TIMP3: variants seen among roughly 807,000 people sequenced by gnomAD.
The protein encoded by TIMP3 is TIMP metallopeptidase inhibitor 3, also known as metalloproteinase inhibitor 3.
A neutral mutation model predicts 30.0 loss-of-function variants in TIMP3; 11 were observed. That is an observed-to-expected ratio of 0.37 (90% confidence interval 0.23 to 0.61). TIMP3 has a LOEUF of 0.61. Ranked by LOEUF, TIMP3 falls within the 20% of genes least tolerant of loss-of-function variation. TIMP3 has a pLI of 0.70. For missense variants in TIMP3, 181 were observed against 276.8 expected (o/e 0.65, Z 2.45); for synonymous variants, 112 against 111.3 (o/e 1.01, Z -0.04).
intron 2 of TIMP3, among the ~76,000 whole-genome samples, chr22:32,849,810 T>C (rs1296789151): frequency 6.6e-6 from 1 of 152,140 alleles, no homozygotes; most frequent in African/African-American, 2.4e-5. Flanking sequence ...GCAGATAGCC[T>C]TGTTAGCTCG....
chr22:32,802,657 G>A (rs2046621684), intron 1 of TIMP3, among the ~76,000 whole-genome samples: 1 of 152,126 alleles, frequency 6.6e-6, no homozygotes, highest in African/African-American at 2.4e-5. Context: ...CCAGGCAAGC[G>A]CTAACCGAGC....
intron 3 of TIMP3, 65 bp from the exon 4 acceptor site, chr22:32,857,952 G>C: frequency 6.2e-7 from 1 of 1,612,964 alleles, no homozygotes. Context: ...TAGTAGGTGT[G>C]AATTCTCTCT....
chr22:32,809,199 C>G (rs189875032), intron 1 of TIMP3, among the ~76,000 whole-genome samples: 7 of 152,362 alleles, frequency 4.6e-5, no homozygotes, highest in Admixed American at 4.6e-4. Flanking sequence ...TGCCCAAGCT[C>G]ACACCACTTG....
At chr22:32,818,439 C>T (rs1446929617) in intron 1 of TIMP3, among the ~76,000 whole-genome samples, 1 of 152,184 alleles carries the variant, frequency 6.6e-6, no homozygotes, top group African/African-American at 2.4e-5. Flanking sequence ...TGGCTCTGCT[C>T]CTTCTGCTGT....
chr22:32,858,262 G>T, intron 4 of TIMP3, 124 bp downstream of exon 4: 1 of 1,368,718 alleles, frequency 7.3e-7, no homozygotes, highest in Non-Finnish European at 1.0e-6. Context: ...TTAGGCCAGG[G>T]CAGAGGGGCA....
chr22:32,833,679 C>G (rs1276300306), intron 1 of TIMP3, among the ~76,000 whole-genome samples: 4 of 152,310 alleles, frequency 2.6e-5, no homozygotes, highest in African/African-American at 9.6e-5. Flanking sequence ...CCAATTCAGG[C>G]TGCCTGGACT....
chr22:32,842,947 T>G (rs2047955412), intron 1 of TIMP3, among the ~76,000 whole-genome samples: 1 of 152,152 alleles, frequency 6.6e-6, no homozygotes, highest in Non-Finnish European at 1.5e-5. Context: ...GGTCCTTCCT[T>G]TTAGGTATCA....
rs778879183 is a variant in TIMP3, at chr22:32,861,886, A to T, written c.*2509A>T. The T allele has an allele frequency of 6.6e-6, 1 of 152,624 alleles. No homozygotes were observed. Among genetic ancestry groups the T allele is most frequent in the Non-Finnish European group, 1.5e-5 (1 of 68,032 alleles). The allele number at this position is 152,624 out of a possible 1,614,324, so 9.5% of individuals were successfully genotyped here. On this transcript the variant is annotated 3_prime_UTR_variant, in exon 5 of 5. Transcript: ENST00000266085. ...ATTTTATTTTGCTAAATCTTGTGTC[A>T]TGTGTAGGCTGTAATATGTGTACAT...
intron 2 of TIMP3, among the ~76,000 whole-genome samples, chr22:32,850,845 G>C (rs2048198455): frequency 6.6e-6 from 1 of 152,204 alleles, no homozygotes; most frequent in Non-Finnish European, 1.5e-5. Flanking sequence ...CAATGTCCAG[G>C]TAGAAGGGAG....
intron 1 of TIMP3, among the ~76,000 whole-genome samples, chr22:32,819,681 G>A (rs2047182041): frequency 6.6e-6 from 1 of 152,124 alleles, no homozygotes; most frequent in Non-Finnish European, 1.5e-5. Flanking sequence ...TCAAGGACCT[G>A]GAGTAAGCAC....
In TIMP3 at chr22:32,801,949, C is replaced by A. The variant is rs1209959023; in HGVS notation, c.-53C>A. 2 of 1,550,640 alleles carry A rather than the reference C, an allele frequency of 1.3e-6. No homozygotes were observed. The highest frequency in any genetic ancestry group is 2.4e-5 in the East Asian group (1 of 41,172). On this transcript the variant is annotated 5_prime_UTR_variant, in exon 1 of 5. Coordinates refer to ENST00000266085, the MANE Select transcript of TIMP3 (RefSeq NM_000362.5). This position sits in a 1 kb window ranked among gnomAD's most constrained non-coding sequence, Gnocchi z 4.7. ...GCAGCAGCCCCGCCGGCGGCGCGCA[C>A]GGCAACTTTGGAGAGGCGAGCAGCA...
intron 1 of TIMP3, among the ~76,000 whole-genome samples, chr22:32,847,989 A>G (rs952147733): frequency 6.6e-6 from 1 of 152,048 alleles, no homozygotes; most frequent in African/African-American, 2.4e-5. Context: ...TTATTAGACG[A>G]TTTTTTTCTT....
chr22:32,826,752 C>G (rs763452734), intron 1 of TIMP3, among the ~76,000 whole-genome samples: 1 of 152,142 alleles, frequency 6.6e-6, no homozygotes, highest in Non-Finnish European at 1.5e-5. Flanking sequence ...TTACCAGGCA[C>G]CAGGGCGTCC....
intron 1 of TIMP3, among the ~76,000 whole-genome samples, chr22:32,833,041 C>T (rs146157402): frequency 8.1e-4 from 124 of 152,262 alleles, no homozygotes; most frequent in African/African-American, 2.8e-3. Flanking sequence ...CAAGATCTAC[C>T]TTCTTAACAC....
Position 32,857,474 on chromosome 22 carries a change from G to A in TIMP3, c.316+114G>A, listed in dbSNP as rs114346817. On this transcript the variant is annotated intron_variant, in intron 3 of 4. Coordinates refer to ENST00000266085, the MANE Select transcript of TIMP3 (RefSeq NM_000362.5). Reference sequence around the variant, plus strand: ...CACCAAATGTCCAGTAAATTGTAAGGAGTCTCTAATGTTGAATTCATCCCA... The same window carrying A: ...CACCAAATGTCCAGTAAATTGTAAGAAGTCTCTAATGTTGAATTCATCCCA... 5.2e-4 allele frequency: 428 copies of A among 826,520 alleles called. 3 individuals are homozygous for A. The African/African-American group carries it at 6.7e-3, about 13-fold the overall frequency. 51.2% of individuals were successfully genotyped at this position (826,520 alleles called of 1,614,324 possible). A position where few individuals can be genotyped will look rare whatever the true frequency, so the allele number is the denominator to read the frequency against.
In TIMP3 at chr22:32,820,879, T is replaced by C. The variant is rs182698737; in HGVS notation, c.121+18757T>C. On this transcript the variant is annotated intron_variant, in intron 1 of 4. Coordinates refer to ENST00000266085, the MANE Select transcript of TIMP3 (RefSeq NM_000362.5). Reference sequence around the variant, plus strand: ...TGTATGAATGATAAAGAGCAGAGTTTGCCAGATATTGCTAATTAATTCTCT... The same window carrying C: ...TGTATGAATGATAAAGAGCAGAGTTCGCCAGATATTGCTAATTAATTCTCT... Among the ~76,000 whole-genome samples, 11 of 152,342 alleles carry C rather than the reference T, an allele frequency of 7.2e-5. No individual in the cohort carries two copies. The East Asian group carries it at 2.1e-3, about 29-fold the overall frequency.
chr22:32,849,947 AG>A (rs1242770929), intron 2 of TIMP3, among the ~76,000 whole-genome samples: 1 of 151,878 alleles, frequency 6.6e-6, no homozygotes, highest in Non-Finnish European at 1.5e-5. Context: ...GGGACTCAAC[AG>A]TGCTTACAGG....
intron 2 of TIMP3, among the ~76,000 whole-genome samples, chr22:32,850,441 C>T (rs562544146): frequency 6.6e-6 from 1 of 152,236 alleles, no homozygotes; most frequent in Admixed American, 6.5e-5. Context: ...GAAGGGTGTA[C>T]TGGTGATTGC....
chr22:32,813,307 T>C (rs1368609093), intron 1 of TIMP3, among the ~76,000 whole-genome samples: 1 of 152,070 alleles, frequency 6.6e-6, no homozygotes, highest in African/African-American at 2.4e-5. Context: ...GCTTTGGAGT[T>C]GGGGAGACAA....
Sources: gnomAD v4.1 joint callset for allele counts (sites outside exome capture counted in the v4.1 genomes callset) on GRCh38, gnomAD v4.1.1 for gene constraint, Gnocchi (gnomAD v3.1) non-coding constraint, MANE v1.5 for transcripts, NCBI Gene and HGNC (gene_info 2026-07-23, HGNC 2026-07-21) for gene names.